Variants in KDM4C observed in about 807,000 individuals in gnomAD.
KDM4C encodes the protein lysine demethylase 4C.
KDM4C carries 81 observed loss-of-function variants against 129.3 expected under a neutral mutation model. That is an observed-to-expected ratio of 0.63 (90% CI 0.52 to 0.75). The LOEUF is 0.75. KDM4C is among the 30% of genes least tolerant of loss of function. The pLI is 0.00. For missense variants in KDM4C, 1,457 were observed against 1,304.0 expected, an observed-to-expected ratio of 1.12 and a Z score of -1.81; for synonymous variants, 573 against 456.1, an observed-to-expected ratio of 1.26 and a Z score of -3.26.
At chr9:6,780,433 A>G (rs1049925932) in intron 1 of KDM4C, among the ~76,000 whole-genome samples, 1 of 151,784 alleles carries the variant, frequency 6.6e-6, no homozygotes, top group Non-Finnish European at 1.5e-5. Context: ...CAAGTATCCT[A>G]ATTCTCATAC....
At chr9:7,170,686 G>T in intron 21 of KDM4C, 1 of 973,970 alleles carries the variant, frequency 1.0e-6, no homozygotes, top group Non-Finnish European at 1.2e-6. Flanking sequence ...AATGGATGGG[G>T]TTTTTCTGAC....
At chr9:7,045,196 TGA>T (rs1285899400) in intron 15 of KDM4C, among the ~76,000 whole-genome samples, 2 of 152,012 alleles carry the variant, frequency 1.3e-5, no homozygotes, top group Non-Finnish European at 2.9e-5. Context: ...CAGGTGCTTT[TGA>T]GCAGCTTCCA....
In KDM4C at chr9:6,950,035, G is replaced by A. The variant is rs1302207785; in HGVS notation, c.922-30890G>A. On this transcript the variant is annotated intron_variant, in intron 8 of 21. Transcript: ENST00000381309. ...TTTTGAAACTTCTCTGGCCACCCAT[G>A]TGGCTGGTTTTTTTTTTTTTTTTGG... is the stretch of plus-strand genomic sequence containing the variant. Among the ~76,000 whole-genome samples, 3 of 134,918 alleles carry A rather than the reference G, an allele frequency of 2.2e-5. No homozygotes were observed. The East Asian group carries it at 7.1e-4, about 32-fold the overall frequency. The allele number at this position is 134,918 out of a possible 152,430, so 88.5% of individuals were successfully genotyped here.
chr9:6,960,380 A>T (rs954432022), intron 8 of KDM4C, among the ~76,000 whole-genome samples: 1 of 151,444 alleles, frequency 6.6e-6, no homozygotes, highest in South Asian at 2.1e-4. Context: ...CCTGGGCTCA[A>T]GGGATCCTCT....
chr9:7,021,657 T>C (rs1342706464), intron 15 of KDM4C, among the ~76,000 whole-genome samples: 1 of 152,242 alleles, frequency 6.6e-6, no homozygotes, highest in Admixed American at 6.5e-5. Flanking sequence ...GCTTTTAAAC[T>C]TGATGTGATC....
At position 6,758,235 on chromosome 9, in the gene KDM4C, G is replaced by A; in HGVS notation, c.-18+32G>A. The stretch of plus-strand genomic sequence containing the variant: ...GCTTTTCCGGAGTCTGGGGGCCAGG[G>A]CGGGGGGAGGGTCCGGAGAGGTCTT... On this transcript the variant is annotated intron_variant, in intron 1 of 21. Coordinates refer to ENST00000381309, the MANE Select transcript of KDM4C (RefSeq NM_015061.6). The surrounding 1 kb of genome is among the most constrained non-coding windows in gnomAD (Gnocchi z 4.6). 1 of 982,920 alleles carries A rather than the reference G, an allele frequency of 1.0e-6. No individual in the cohort carries two copies. Among genetic ancestry groups the A allele is most frequent in the Non-Finnish European group, 1.2e-6 (1 of 827,602 alleles). The allele number at this position is 982,920 out of a possible 1,614,324, so 60.9% of individuals were successfully genotyped here. A position where few individuals can be genotyped will look rare whatever the true frequency, so the allele number is the denominator to read the frequency against.
At chr9:7,150,022 C>T (rs1842584344) in intron 19 of KDM4C, among the ~76,000 whole-genome samples, 1 of 152,138 alleles carries the variant, frequency 6.6e-6, no homozygotes, top group African/African-American at 2.4e-5. Context: ...GGGATCATTC[C>T]AGAATACTGT....
At chr9:7,082,741 A>C (rs996017006) in intron 17 of KDM4C, among the ~76,000 whole-genome samples, 14 of 152,222 alleles carry the variant, frequency 9.2e-5, no homozygotes, top group Admixed American at 4.6e-4. Context: ...AGGAAGATCT[A>C]CAGGGAATAA....
chr9:7,023,313 A>C lies in KDM4C; in HGVS notation c.2259+7384A>C, dbSNP rs556871680. Reference sequence around the variant, plus strand: ...ACCTTTTTATTATGGCTTTGATCTCATTACTTGTTATTGGTCTGTTTGGGT... The same window carrying C: ...ACCTTTTTATTATGGCTTTGATCTCCTTACTTGTTATTGGTCTGTTTGGGT... On this transcript the variant is annotated intron_variant, in intron 15 of 21. Coordinates refer to ENST00000381309, the MANE Select transcript of KDM4C (RefSeq NM_015061.6). Among the ~76,000 whole-genome samples the C allele has an allele frequency of 9.9e-5, 15 of 152,064 alleles. No homozygotes were observed. The South Asian group carries it at 3.1e-3, about 32-fold the overall frequency.
chr9:6,915,426 A>C (rs1243609121), intron 8 of KDM4C, among the ~76,000 whole-genome samples: 1 of 152,212 alleles, frequency 6.6e-6, no homozygotes, highest in East Asian at 1.9e-4. Context: ...TGTGATGAAC[A>C]CTTGGAGATG....
intron 19 of KDM4C, among the ~76,000 whole-genome samples, chr9:7,155,071 A>G (rs983024730): frequency 6.6e-6 from 1 of 152,216 alleles, no homozygotes; most frequent in Non-Finnish European, 1.5e-5. Flanking sequence ...ATCCTTTTCT[A>G]TAATTGACCT....
In KDM4C at chr9:6,954,710, TA is replaced by T. The variant is rs535911557; in HGVS notation, c.922-26211del. The stretch of plus-strand genomic sequence containing the variant: ...TGATTTAGCATTCTATGTAACTTCT[TA>T]AAAGTACCTAGCCCAACAATGGAGA... On this transcript the variant is annotated intron_variant, in intron 8 of 21. Transcript: ENST00000381309. Among the ~76,000 whole-genome samples, 350 of 152,328 alleles carry T rather than the reference TA, an allele frequency of 2.3e-3. 2 individuals are homozygous for T. The highest frequency in any genetic ancestry group is 8.2e-3 in the African/African-American group (342 of 41,572).
At chr9:7,161,183 GA>G (rs1843747781) in intron 19 of KDM4C, among the ~76,000 whole-genome samples, 2 of 152,182 alleles carry the variant, frequency 1.3e-5, no homozygotes, top group Admixed American at 1.3e-4. Context: ...AAGACCTTGA[GA>G]AAAGTGCAGT....
At chr9:6,750,228 C>G (rs1301132703) in intron 1 of KDM4C, among the ~76,000 whole-genome samples, 1 of 151,974 alleles carries the variant, frequency 6.6e-6, no homozygotes, top group East Asian at 1.9e-4. Context: ...ATCACGAAGT[C>G]AGGAGTTCGA....
intron 4 of KDM4C, among the ~76,000 whole-genome samples, chr9:6,821,788 C>T (rs1475820199): frequency 6.6e-6 from 1 of 152,106 alleles, no homozygotes; most frequent in Non-Finnish European, 1.5e-5. Context: ...GTGCATGCCA[C>T]CACACCTGTC....
intron 12 of KDM4C, among the ~76,000 whole-genome samples, chr9:6,995,127 G>A (rs768152276): frequency 2.0e-5 from 3 of 149,196 alleles, no homozygotes; most frequent in Non-Finnish European, 3.0e-5. Context: ...TTAGAGAATG[G>A]GTTTTTTCCT....
intron 19 of KDM4C, among the ~76,000 whole-genome samples, chr9:7,130,028 G>C (rs1281897164): frequency 6.6e-6 from 1 of 152,206 alleles, no homozygotes; most frequent in Non-Finnish European, 1.5e-5. Context: ...AATAGGAGAA[G>C]GGATATGCAG....
intron 17 of KDM4C, among the ~76,000 whole-genome samples, chr9:7,098,655 T>C (rs955608166): frequency 2.0e-5 from 3 of 152,196 alleles, no homozygotes; most frequent in African/African-American, 7.2e-5. Context: ...GTGTCCTCCA[T>C]TTCCTTCCCT....
intron 8 of KDM4C, among the ~76,000 whole-genome samples, chr9:6,957,601 A>G (rs1829297609): frequency 6.6e-6 from 1 of 152,130 alleles, no homozygotes; most frequent in African/African-American, 2.4e-5. Flanking sequence ...AAGAGATCAA[A>G]CGTGGAGGCT....
Sources: gnomAD v4.1 joint callset for allele counts (sites outside exome capture counted in the v4.1 genomes callset) on GRCh38, gnomAD v4.1.1 for gene constraint, Gnocchi (gnomAD v3.1) non-coding constraint, MANE v1.5 for transcripts, NCBI Gene and HGNC (gene_info 2026-07-23, HGNC 2026-07-21) for gene names.